The following ADCY8 variants were observed in gnomAD, a reference collection of about 807,000 sequenced individuals.
ADCY8 encodes the protein adenylate cyclase type 8.
ADCY8 carries 51 observed loss-of-function variants against 119.7 expected under a neutral mutation model. The ratio of observed to expected loss-of-function variants is 0.43; its 90% CI spans 0.34 to 0.54. ADCY8 has a LOEUF of 0.54. Among genes scored for constraint, ADCY8 ranks in the 20% least tolerant of loss-of-function variants. The pLI, the probability that ADCY8 is intolerant of heterozygous loss-of-function variation, is 0.03. For synonymous variants in ADCY8, 665 were observed against 651.0 expected, an observed-to-expected ratio of 1.02 and a Z score of -0.33; for missense variants, 1,383 against 1,598.8, an observed-to-expected ratio of 0.87 and a Z score of 2.30.
intron 14 of ADCY8, among the ~76,000 whole-genome samples, chr8:130,801,897 G>GA (rs1815789421): frequency 9.4e-6 from 1 of 106,000 alleles, no homozygotes; most frequent in Non-Finnish European, 1.9e-5. Context: ...CTTTGAGAAT[G>GA]CCTTTTTTTT....
At chr8:130,925,859 T>A (rs1820450601) in intron 5 of ADCY8, among the ~76,000 whole-genome samples, 1 of 152,168 alleles carries the variant, frequency 6.6e-6, no homozygotes, top group Admixed American at 6.5e-5. Context: ...CTATTTCAGA[T>A]CCTTACTTCT....
chr8:130,902,218 T>G (rs1300404849), intron 7 of ADCY8, among the ~76,000 whole-genome samples: 4 of 152,192 alleles, frequency 2.6e-5, no homozygotes, highest in Admixed American at 2.6e-4. Flanking sequence ...TTTCTTTCTC[T>G]TTAAATAATC....
chr8:130,888,330 G>A (rs1819065726), intron 7 of ADCY8, among the ~76,000 whole-genome samples: 1 of 151,910 alleles, frequency 6.6e-6, no homozygotes, highest in Admixed American at 6.6e-5. Context: ...TGATATTTGG[G>A]ATGTCAGATT....
At chr8:130,833,740 T>C (rs1586461791) in intron 12 of ADCY8, among the ~76,000 whole-genome samples, 1 of 152,174 alleles carries the variant, frequency 6.6e-6, no homozygotes, top group Non-Finnish European at 1.5e-5. Flanking sequence ...TATATGTCAC[T>C]TTACCTATGA....
intron 13 of ADCY8, among the ~76,000 whole-genome samples, chr8:130,819,468 T>C (rs1816442642): frequency 6.6e-6 from 1 of 152,196 alleles, no homozygotes; most frequent in African/African-American, 2.4e-5. Context: ...AGGAAGGCAC[T>C]GACAGGGCAC....
At chr8:130,871,823 T>A (rs997151965) in intron 8 of ADCY8, among the ~76,000 whole-genome samples, 10 of 152,146 alleles carry the variant, frequency 6.6e-5, no homozygotes, top group African/African-American at 2.4e-4. Flanking sequence ...TCTTGAAAGA[T>A]TACCCACCAC....
chr8:130,903,377 G>A (rs1298019172), intron 7 of ADCY8, among the ~76,000 whole-genome samples: 1 of 151,600 alleles, frequency 6.6e-6, no homozygotes, highest in Non-Finnish European at 1.5e-5. Context: ...ACTGATGATG[G>A]CCAGCTACCG....
intron 5 of ADCY8, among the ~76,000 whole-genome samples, chr8:130,920,674 G>T (rs1050022920): frequency 6.6e-6 from 1 of 152,222 alleles, no homozygotes; most frequent in African/African-American, 2.4e-5. Flanking sequence ...GTGTCAATTT[G>T]GTTAGGCCTT....
intron 5 of ADCY8, among the ~76,000 whole-genome samples, chr8:130,924,207 T>A (rs1468321241): frequency 6.6e-6 from 1 of 152,228 alleles, no homozygotes; most frequent in Non-Finnish European, 1.5e-5. Context: ...ATACAACCTC[T>A]GTTAGCTTGT....
chr8:130,958,688 G>A (rs1409830625), intron 2 of ADCY8, among the ~76,000 whole-genome samples: 1 of 152,084 alleles, frequency 6.6e-6, no homozygotes, highest in East Asian at 1.9e-4. Flanking sequence ...ACAGTATGGG[G>A]GAAACTGCCC....
intron 1 of ADCY8, among the ~76,000 whole-genome samples, chr8:130,995,605 G>T (rs544967567): frequency 1.3e-5 from 2 of 152,072 alleles, no homozygotes; most frequent in Admixed American, 6.6e-5. Context: ...TCCTTCATTA[G>T]ATTTTTATCA....
At chr8:130,787,474 G>A (rs1046459578) in intron 15 of ADCY8, among the ~76,000 whole-genome samples, 12 of 151,930 alleles carry the variant, frequency 7.9e-5, no homozygotes, top group African/African-American at 2.7e-4. Flanking sequence ...TTGCGTGTGG[G>A]TGTGGGTGTA....
At chr8:130,819,048 A>T (rs1447905799) in intron 13 of ADCY8, among the ~76,000 whole-genome samples, 1 of 152,214 alleles carries the variant, frequency 6.6e-6, no homozygotes, top group Non-Finnish European at 1.5e-5. Flanking sequence ...AGTATATTAC[A>T]ATTATATTCT....
At position 131,040,274 on chromosome 8, in the gene ADCY8, C is replaced by G. The variant is rs1348724476; in HGVS notation, c.60G>C (p.Pro20=). 1 of 1,565,892 alleles carries G rather than the reference C, an allele frequency of 6.4e-7. No homozygotes were observed. The highest frequency in any genetic ancestry group is 8.6e-7 in the Non-Finnish European group (1 of 1,162,400). The change falls in exon 1 of 18, where the codon CCG becomes CCC. Residue 20 remains proline, a synonymous_variant. Coordinates refer to ENST00000286355, the MANE Select transcript of ADCY8 (RefSeq NM_001115.3). The part of the protein sequence containing the change: ...TGSEELYTIH[P]TPPAGDGRSA... The stretch of plus-strand genomic sequence containing the variant: ...TCCTGCCGTCGCCGGCCGGGGGCGT[C>G]GGGTGGATGGTGTAGAGTTCCTCGC...
rs535950784 is a variant in ADCY8, at chr8:130,877,058, G to T, written c.2109+7506C>A. Reference sequence around the variant, plus strand: ...TAGTACAATTAGTACCTCCATAAAGGAAGTTGTGACACTTAAGTAAAATGA... The same window carrying T: ...TAGTACAATTAGTACCTCCATAAAGTAAGTTGTGACACTTAAGTAAAATGA... On this transcript the variant is annotated intron_variant, in intron 8 of 17. Coordinates refer to ENST00000286355, the MANE Select transcript of ADCY8 (RefSeq NM_001115.3). 1.2e-4 allele frequency among the ~76,000 whole-genome samples: 19 copies of T among 152,264 alleles called. No individual in the cohort carries two copies. In the South Asian group the frequency reaches 3.3e-3, roughly 27 times the overall value.
intron 9 of ADCY8, among the ~76,000 whole-genome samples, chr8:130,853,521 T>C (rs1009365388): frequency 2.6e-5 from 4 of 152,170 alleles, no homozygotes; most frequent in African/African-American, 9.7e-5. Context: ...TTCCAGCTTT[T>C]ATCACAGTTT....
At chr8:130,805,679 A>G (rs960041176) in intron 14 of ADCY8, among the ~76,000 whole-genome samples, 4 of 152,222 alleles carry the variant, frequency 2.6e-5, no homozygotes, top group African/African-American at 9.6e-5. Context: ...GATGGATTGG[A>G]CAATGTGTCT....
intron 9 of ADCY8, among the ~76,000 whole-genome samples, chr8:130,855,217 A>G (rs933869150): frequency 1.3e-5 from 2 of 151,878 alleles, no homozygotes; most frequent in Non-Finnish European, 2.9e-5. Flanking sequence ...AAAAAAATCC[A>G]TGACAGAAGA....
chr8:130,943,447 A>T lies in ADCY8; in HGVS notation c.1257T>A (p.Asp419Glu), dbSNP rs1370911516. 1 of 1,394,744 alleles carries T rather than the reference A, an allele frequency of 7.2e-7. No homozygotes were observed. The highest frequency in any genetic ancestry group is 1.8e-5 in the Admixed American group (1 of 56,832). The allele number at this position is 1,394,744 out of a possible 1,614,324, so 86.4% of individuals were successfully genotyped here. Residue 419 changes from aspartate to glutamate, a missense_variant, in exon 4 of 18, where the codon GAT becomes GAA. Transcript: ENST00000286355. Reference sequence around the variant, plus strand: ...TGGAGAGGTTGGTAAATCCTTTAACATCTGCAAAAAGAATACTAAACACAG... The same window carrying T: ...TGGAGAGGTTGGTAAATCCTTTAACTTCTGCAAAAAGAATACTAAACACAG... Reference protein sequence around the residue: ...RYENVSILFADVKGFTNLSTT... With the variant: ...RYENVSILFAEVKGFTNLSTT...
Sources: allele counts gnomAD v4.1 joint callset (sites outside exome capture counted in the v4.1 genomes callset), GRCh38; gene constraint gnomAD v4.1.1; transcripts MANE v1.5; gene names NCBI Gene and HGNC (gene_info 2026-07-23, HGNC 2026-07-21).